SYT1: variants seen among roughly 807,000 people sequenced by gnomAD.
SYT1 encodes synaptotagmin 1.
In SYT1, 8 loss-of-function variants were observed where a neutral mutation model predicts 44.8. The observed-to-expected ratio is 0.18, with a 90% CI of 0.10 to 0.32. SYT1 has a LOEUF of 0.32. SYT1 is among the 10% of genes least tolerant of loss of function. The pLI is 1.00. For missense variants in SYT1, 286 were observed against 509.3 expected, an observed-to-expected ratio of 0.56 and a Z score of 4.22; for synonymous variants, 154 against 188.8, an observed-to-expected ratio of 0.82 and a Z score of 1.51.
At chr12:79,239,355 C>T (rs1349117397) in intron 4 of SYT1, among the ~76,000 whole-genome samples, 1 of 152,188 alleles carries the variant, frequency 6.6e-6, no homozygotes. Flanking sequence ...GTCTGAGAAA[C>T]TGTCACAACC....
chr12:79,028,346 A>C (rs777830766), intron 2 of SYT1, among the ~76,000 whole-genome samples: 3 of 151,446 alleles, frequency 2.0e-5, no homozygotes, highest in Non-Finnish European at 3.0e-5. Context: ...AATGCTGCAG[A>C]ATAATGCATG....
chr12:79,380,720 T>G (rs1884184197), intron 9 of SYT1, among the ~76,000 whole-genome samples: 1 of 152,160 alleles, frequency 6.6e-6, no homozygotes, highest in Non-Finnish European at 1.5e-5. Flanking sequence ...GAAGAGGGCT[T>G]GTTTAAAAGG....
At chr12:78,990,914 A>C (rs1194237042) in intron 2 of SYT1, among the ~76,000 whole-genome samples, 2 of 152,190 alleles carry the variant, frequency 1.3e-5, no homozygotes, top group Non-Finnish European at 1.5e-5. Context: ...GGATGGTGCT[A>C]CTTTGACAAG....
chr12:79,328,771 G>GGGA (rs1003205108), intron 8 of SYT1, among the ~76,000 whole-genome samples: 16 of 151,810 alleles, frequency 1.1e-4, no homozygotes, highest in South Asian at 4.2e-4. Context: ...GCCTGAACCC[G>GGGA]GGAGGCAGAG....
chr12:79,266,483 G>A (rs919550873), intron 4 of SYT1, among the ~76,000 whole-genome samples: 1 of 152,082 alleles, frequency 6.6e-6, no homozygotes. Flanking sequence ...AGTCATGCAG[G>A]GCCTTGTGGT....
chr12:79,338,856 C>T (rs1225867681), intron 8 of SYT1, among the ~76,000 whole-genome samples: 5 of 151,692 alleles, frequency 3.3e-5, no homozygotes, highest in Admixed American at 3.3e-4. Context: ...GTGTGATGTT[C>T]CCCACCCTGT....
intron 1 of SYT1, among the ~76,000 whole-genome samples, chr12:78,921,548 C>T (rs1227558132): frequency 6.6e-6 from 1 of 151,896 alleles, no homozygotes; most frequent in African/African-American, 2.4e-5. Context: ...AAAACTGGAA[C>T]ATTTCAATAA....
At chr12:79,346,575 C>A (rs934837583) in intron 8 of SYT1, among the ~76,000 whole-genome samples, 2 of 152,164 alleles carry the variant, frequency 1.3e-5, no homozygotes, top group Non-Finnish European at 2.9e-5. Context: ...TTGGCTGCAA[C>A]CCTACAGGGT....
chr12:79,080,113 C>T (rs1876929809), intron 3 of SYT1, among the ~76,000 whole-genome samples: 1 of 152,024 alleles, frequency 6.6e-6, no homozygotes, highest in Non-Finnish European at 1.5e-5. Flanking sequence ...TCTGCTCTTT[C>T]AATGAGATTA....
chr12:79,006,545 A>C (rs1402804467), intron 2 of SYT1, among the ~76,000 whole-genome samples: 3 of 150,420 alleles, frequency 2.0e-5, no homozygotes, highest in Non-Finnish European at 3.0e-5. Flanking sequence ...TTTGGCAGTC[A>C]GTAGGGATAA....
rs77930217 is a variant in SYT1, at chr12:79,305,655, G to A, written c.810+6104G>A. Among the ~76,000 whole-genome samples, 1,171 of 152,206 alleles carry A rather than the reference G, an allele frequency of 7.7e-3. 37 individuals carry two copies. In the East Asian group the frequency reaches 0.11, roughly 14 times the overall value. On this transcript the variant is annotated intron_variant, in intron 8 of 10. Coordinates refer to ENST00000261205, the MANE Select transcript of SYT1 (RefSeq NM_005639.3). Reference sequence around the variant, plus strand: ...TTAAGTAATGTGTCCAAGTTTACACGGGCAATGCCATAACTACAATTCAAA... The same window carrying A: ...TTAAGTAATGTGTCCAAGTTTACACAGGCAATGCCATAACTACAATTCAAA...
chr12:79,122,533 A>AAAAAAG (rs1565816049), intron 3 of SYT1, among the ~76,000 whole-genome samples: 2 of 150,168 alleles, frequency 1.3e-5, no homozygotes, highest in African/African-American at 4.9e-5. Flanking sequence ...AAAAAAAAAA[A>AAAAAAG]AGAGATTCAT....
At chr12:79,228,346 C>T (rs1209142794) in intron 4 of SYT1, among the ~76,000 whole-genome samples, 1 of 152,164 alleles carries the variant, frequency 6.6e-6, no homozygotes, top group African/African-American at 2.4e-5. Flanking sequence ...TAATTTCCAT[C>T]CTTTGCATAC....
chr12:79,124,436 G>A (rs1200588370), intron 3 of SYT1, among the ~76,000 whole-genome samples: 3 of 152,056 alleles, frequency 2.0e-5, no homozygotes, highest in South Asian at 2.1e-4. Flanking sequence ...TACAACTTAC[G>A]ACTCTTCTTT....
At chr12:79,385,269 G>A (rs533444002) in intron 9 of SYT1, among the ~76,000 whole-genome samples, 1 of 151,952 alleles carries the variant, frequency 6.6e-6, no homozygotes, top group South Asian at 2.1e-4. Flanking sequence ...TTACAGGCAT[G>A]AGCCACTGCT....
chr12:78,952,589 A>C (rs1370745987), intron 1 of SYT1, among the ~76,000 whole-genome samples: 2 of 152,100 alleles, frequency 1.3e-5, no homozygotes, highest in East Asian at 3.9e-4. Context: ...TGTTACTATT[A>C]ATTTATAGGT....
intron 3 of SYT1, among the ~76,000 whole-genome samples, chr12:79,174,738 G>A (rs926855362): frequency 6.6e-6 from 1 of 152,026 alleles, no homozygotes; most frequent in African/African-American, 2.4e-5. Flanking sequence ...GAATGGTATT[G>A]CCAAGTCACT....
At chr12:78,876,773 T>TACATATAA (rs1874122530) in intron 1 of SYT1, among the ~76,000 whole-genome samples, 1 of 75,966 alleles carries the variant, frequency 1.3e-5, no homozygotes, top group Non-Finnish European at 2.3e-5. Context: ...TATTATATAT[T>TACATATAA]TATATATTAT....
At chr12:78,869,832 A>C (rs1242071804) in intron 1 of SYT1, among the ~76,000 whole-genome samples, 1 of 152,048 alleles carries the variant, frequency 6.6e-6, no homozygotes, top group Non-Finnish European at 1.5e-5. Flanking sequence ...TAATAATGCA[A>C]ATGAGAGGTC....
Sources: gnomAD v4.1 joint callset for allele counts (sites outside exome capture counted in the v4.1 genomes callset) on GRCh38, gnomAD v4.1.1 for gene constraint, MANE v1.5 for transcripts, NCBI Gene and HGNC (gene_info 2026-07-23, HGNC 2026-07-21) for gene names.